Variants in SHISA9 observed in about 807,000 individuals in gnomAD.
The protein encoded by SHISA9 is shisa family member 9, also known as protein shisa-9.
Under a neutral mutation model 38.0 loss-of-function variants are expected in SHISA9, and 13 were observed. That is an observed-to-expected ratio of 0.34 (90% CI 0.22 to 0.54). SHISA9 has a LOEUF of 0.54. Ranked by LOEUF, SHISA9 falls within the 20% of genes least tolerant of loss-of-function variation. The pLI, the probability that SHISA9 is intolerant of heterozygous loss-of-function variation, is 0.91. For synonymous variants in SHISA9, 275 were observed against 242.0 expected, an observed-to-expected ratio of 1.14 and a Z score of -1.27; for missense variants, 538 against 575.8, an observed-to-expected ratio of 0.93 and a Z score of 0.67.
At chr16:13,328,589 T>TAC in the SHISA9 span, among the ~76,000 whole-genome samples, 1 of 90,428 alleles carries the variant, frequency 1.1e-5, no homozygotes, top group Non-Finnish European at 2.1e-5. Flanking sequence ...AATATATGTG[T>TAC]ATACACACAC....
the SHISA9 span, among the ~76,000 whole-genome samples, chr16:13,543,597 A>G: frequency 0.011 from 1,604 of 151,948 alleles, 32 homozygotes; most frequent in African/African-American, 0.037. Context: ...CACTCCCCAC[A>G]CTCCCAGTGC....
intron 2 of SHISA9, among the ~76,000 whole-genome samples, chr16:13,129,675 G>A (rs1282400413): frequency 2.0e-5 from 3 of 152,192 alleles, no homozygotes; most frequent in African/African-American, 7.2e-5. Context: ...GTGTTCACAT[G>A]GCTTTCTTTG....
chr16:13,073,679 G>T (rs1423172858), intron 2 of SHISA9, among the ~76,000 whole-genome samples: 3 of 152,146 alleles, frequency 2.0e-5, no homozygotes, highest in African/African-American at 7.2e-5. Flanking sequence ...TTAAGGTAAA[G>T]ATTATGAGAT....
the SHISA9 span, among the ~76,000 whole-genome samples, chr16:13,462,235 T>C: frequency 2.0e-5 from 3 of 151,460 alleles, no homozygotes; most frequent in Non-Finnish European, 4.4e-5. Flanking sequence ...GTGAGACCCC[T>C]ACCTCTACCA....
chr16:13,141,447 G>A (rs1490097162), intron 2 of SHISA9, among the ~76,000 whole-genome samples: 3 of 151,996 alleles, frequency 2.0e-5, no homozygotes, highest in Non-Finnish European at 2.9e-5. Flanking sequence ...AGCACTTTGG[G>A]AGGCCAAGGC....
chr16:13,136,098 T>C (rs546000379), intron 2 of SHISA9, among the ~76,000 whole-genome samples: 18 of 152,262 alleles, frequency 1.2e-4, no homozygotes, highest in Admixed American at 2.6e-4. Context: ...AAATTAGTAA[T>C]ATCTCTCTTG....
At chr16:13,093,230 A>G (rs1419858912) in intron 2 of SHISA9, among the ~76,000 whole-genome samples, 3 of 152,174 alleles carry the variant, frequency 2.0e-5, no homozygotes, top group African/African-American at 7.2e-5. Flanking sequence ...TAGGGTGACA[A>G]GATGACTTAG....
chr16:13,466,449 C>G, the SHISA9 span, among the ~76,000 whole-genome samples: 1 of 152,160 alleles, frequency 6.6e-6, no homozygotes, highest in Non-Finnish European at 1.5e-5. Flanking sequence ...CCAGGTAGGA[C>G]TACAAATGGC....
At chr16:13,031,964 C>T (rs1225169099) in intron 2 of SHISA9, among the ~76,000 whole-genome samples, 2 of 152,076 alleles carry the variant, frequency 1.3e-5, no homozygotes, top group Admixed American at 6.6e-5. Context: ...GAGCCATGCC[C>T]ACCCACATCT....
At chr16:13,058,627 C>T (rs1350821037) in intron 2 of SHISA9, among the ~76,000 whole-genome samples, 1 of 152,214 alleles carries the variant, frequency 6.6e-6, no homozygotes, top group Non-Finnish European at 1.5e-5. Context: ...TAGTCTTCCA[C>T]TCCAAGCCCA....
At chr16:13,374,002 G>A in the SHISA9 span, among the ~76,000 whole-genome samples, 1 of 152,124 alleles carries the variant, frequency 6.6e-6, no homozygotes, top group Non-Finnish European at 1.5e-5. Flanking sequence ...ATGATCACTT[G>A]GGGAAGAAAG....
the SHISA9 span, among the ~76,000 whole-genome samples, chr16:13,319,294 G>A: frequency 6.6e-6 from 1 of 152,158 alleles, no homozygotes; most frequent in African/African-American, 2.4e-5. Flanking sequence ...ACAGGTGTGA[G>A]CCACCACACC....
chr16:13,304,195 AT>A, the SHISA9 span, among the ~76,000 whole-genome samples: 1 of 151,966 alleles, frequency 6.6e-6, no homozygotes, highest in South Asian at 2.1e-4. Context: ...TGGTTTTTCA[AT>A]TTCTAGTTCC....
At chr16:13,435,233 T>C in the SHISA9 span, among the ~76,000 whole-genome samples, 4 of 152,180 alleles carry the variant, frequency 2.6e-5, no homozygotes, top group Admixed American at 2.6e-4. Flanking sequence ...GAATCTTTTT[T>C]TTTTTTCAGT....
chr16:13,264,275 A>G, the SHISA9 span, among the ~76,000 whole-genome samples: 1,400 of 150,330 alleles, frequency 9.3e-3, 21 homozygotes, highest in African/African-American at 0.033. Context: ...TCCAGGTTAC[A>G]GTGTTTTTTG....
chr16:12,902,641 C>G lies in SHISA9; in HGVS notation c.563+14C>G. ...GCACATGTCCAGGTGGGCTGCCTCC[C>G]CTTCGCCCTCCCCTCGGGGCTTCGC... is the stretch of plus-strand genomic sequence containing the variant. On this transcript the variant is annotated intron_variant, in intron 1 of 4. Coordinates refer to ENST00000558583, the MANE Select transcript of SHISA9 (RefSeq NM_001145204.3). 1 of 1,529,344 alleles carries G rather than the reference C, an allele frequency of 6.5e-7. No homozygotes were observed. Among genetic ancestry groups the G allele is most frequent in the South Asian group, 1.3e-5 (1 of 79,886 alleles). The allele number at this position is 1,529,344 out of a possible 1,614,324, so 94.7% of individuals were successfully genotyped here.
At chr16:13,419,969 G>C in the SHISA9 span, among the ~76,000 whole-genome samples, 1 of 152,114 alleles carries the variant, frequency 6.6e-6, no homozygotes, top group South Asian at 2.1e-4. Context: ...GCTCAAGCTG[G>C]GCACAGTGGC....
At chr16:13,137,587 CT>C (rs2050361433) in intron 2 of SHISA9, among the ~76,000 whole-genome samples, 1 of 151,852 alleles carries the variant, frequency 6.6e-6, no homozygotes, top group African/African-American at 2.4e-5. Flanking sequence ...TCTCGAATAG[CT>C]GGGACTACAG....
At chr16:12,951,628 G>A (rs1314282614) in intron 2 of SHISA9, among the ~76,000 whole-genome samples, 1 of 152,206 alleles carries the variant, frequency 6.6e-6, no homozygotes, top group Non-Finnish European at 1.5e-5. Flanking sequence ...GGCTGGGGAT[G>A]GCGGTGGGGG....
Sources: allele counts gnomAD v4.1 joint callset (sites outside exome capture counted in the v4.1 genomes callset), GRCh38; gene constraint gnomAD v4.1.1; transcripts MANE v1.5; gene names NCBI Gene and HGNC (gene_info 2026-07-23, HGNC 2026-07-21).